Variants in LRRC4C observed in about 807,000 individuals in gnomAD.
LRRC4C encodes the protein leucine rich repeat containing 4C.
In LRRC4C, 5 loss-of-function variants were observed where a neutral mutation model predicts 33.6. That is an observed-to-expected ratio of 0.15 (90% CI 0.08 to 0.31). The LOEUF is 0.31. Among genes scored for constraint, LRRC4C ranks in the 10% least tolerant of loss-of-function variants. LRRC4C has a pLI of 1.00. For missense variants in LRRC4C, 560 were observed against 796.7 expected (o/e 0.70, Z 3.58); for synonymous variants, 329 against 302.0 (o/e 1.09, Z -0.93).
chr11:40,995,739 T>A (rs1234248681), intron 1 of LRRC4C, among the ~76,000 whole-genome samples: 1 of 152,150 alleles, frequency 6.6e-6, no homozygotes, highest in African/African-American at 2.4e-5. Context: ...TAGAATTATA[T>A]TACAACTCAG....
chr11:40,456,382 G>A (rs1952131746), intron 3 of LRRC4C, among the ~76,000 whole-genome samples: 1 of 151,894 alleles, frequency 6.6e-6, no homozygotes, highest in South Asian at 2.1e-4. Context: ...GTGGAGTCTT[G>A]AATCTGATTA....
chr11:41,355,768 C>G (rs1952139552), intron 1 of LRRC4C, among the ~76,000 whole-genome samples: 1 of 152,014 alleles, frequency 6.6e-6, no homozygotes, highest in African/African-American at 2.4e-5. Flanking sequence ...TTGACAATTT[C>G]ATACAATTCA....
chr11:41,107,747 G>A (rs2135674713), intron 1 of LRRC4C, among the ~76,000 whole-genome samples: 1 of 152,174 alleles, frequency 6.6e-6, no homozygotes, highest in South Asian at 2.1e-4. Context: ...AGACCAGCCT[G>A]GCCAACATGG....
At chr11:41,371,843 GAT>G (rs1328001239) in intron 1 of LRRC4C, among the ~76,000 whole-genome samples, 25 of 152,164 alleles carry the variant, frequency 1.6e-4, no homozygotes, top group African/African-American at 6.0e-4. Context: ...CCAAAACAGA[GAT>G]AGAAATTGGG....
intron 2 of LRRC4C, among the ~76,000 whole-genome samples, chr11:40,836,045 C>G (rs1952655156): frequency 6.6e-6 from 1 of 151,968 alleles, no homozygotes; most frequent in Non-Finnish European, 1.5e-5. Context: ...ACTGTACGTT[C>G]AAAAAGAAAA....
intron 2 of LRRC4C, among the ~76,000 whole-genome samples, chr11:40,661,523 A>G (rs796644440): frequency 1.2e-4 from 18 of 152,342 alleles, no homozygotes; most frequent in African/African-American, 4.3e-4. Flanking sequence ...AGTCATACTC[A>G]GTTTAACTCC....
chr11:40,236,657 TC>T (rs1865583663), intron 5 of LRRC4C, among the ~76,000 whole-genome samples: 1 of 152,048 alleles, frequency 6.6e-6, no homozygotes, highest in Admixed American at 6.6e-5. Context: ...GCTCTCTTTT[TC>T]CCTGTAATAG....
Position 40,683,030 on chromosome 11 carries a change from C to T in LRRC4C, c.-406-34752G>A, listed in dbSNP as rs201808475. Among the ~76,000 whole-genome samples, 71 of 152,230 alleles carry T rather than the reference C, an allele frequency of 4.7e-4. 1 individual carries two copies. Among genetic ancestry groups the T allele is most frequent in the East Asian group, 9.7e-4 (5 of 5,174 alleles). ...GCTGGATGCAAAAGAAATAAAGAAA[C>T]GGTTACCAAGAGTAGACTAATATCA... On this transcript the variant is annotated intron_variant, in intron 2 of 6. Coordinates refer to ENST00000528697, the MANE Select transcript of LRRC4C (RefSeq NM_001258419.2).
intron 1 of LRRC4C, among the ~76,000 whole-genome samples, chr11:41,098,947 A>G (rs1021913922): frequency 1.3e-5 from 2 of 152,054 alleles, no homozygotes; most frequent in African/African-American, 4.8e-5. Context: ...GCTAGCTAGA[A>G]TAATAAAGAA....
At chr11:41,198,138 A>G (rs1400447573) in intron 1 of LRRC4C, among the ~76,000 whole-genome samples, 1 of 151,996 alleles carries the variant, frequency 6.6e-6, no homozygotes, top group Non-Finnish European at 1.5e-5. Flanking sequence ...AGAACAAACA[A>G]TTTTTGCTAT....
chr11:40,242,265 C>T (rs1865976993), intron 4 of LRRC4C, among the ~76,000 whole-genome samples: 1 of 152,100 alleles, frequency 6.6e-6, no homozygotes, highest in Non-Finnish European at 1.5e-5. Context: ...CAAATTCAGC[C>T]GTTGAATGAA....
intron 1 of LRRC4C, among the ~76,000 whole-genome samples, chr11:40,964,877 T>C (rs1851231513): frequency 6.6e-6 from 1 of 152,020 alleles, no homozygotes. Flanking sequence ...ATCCTTTGGG[T>C]ATATACCCAG....
intron 3 of LRRC4C, among the ~76,000 whole-genome samples, chr11:40,452,324 A>T (rs2138091027): frequency 6.6e-6 from 1 of 152,348 alleles, no homozygotes; most frequent in African/African-American, 2.4e-5. Flanking sequence ...GAACTCAAAC[A>T]AATTTACAAG....
chr11:40,459,258 C>G (rs1260124655), intron 3 of LRRC4C, among the ~76,000 whole-genome samples: 5 of 152,172 alleles, frequency 3.3e-5, no homozygotes, highest in Non-Finnish European at 1.5e-5. Context: ...GATGAATACA[C>G]TCCAATTACA....
At chr11:41,094,335 C>T (rs1487842768) in intron 1 of LRRC4C, among the ~76,000 whole-genome samples, 1 of 151,870 alleles carries the variant, frequency 6.6e-6, no homozygotes, top group Non-Finnish European at 1.5e-5. Context: ...ACCATCCTGG[C>T]TAACACGGTG....
At chr11:40,643,995 G>GA (rs751027230) in intron 3 of LRRC4C, among the ~76,000 whole-genome samples, 15 of 151,640 alleles carry the variant, frequency 9.9e-5, no homozygotes, top group South Asian at 2.1e-4. Flanking sequence ...AAATGAAATG[G>GA]AAAAAAAACA....
At chr11:40,469,204 T>C (rs1032897840) in intron 3 of LRRC4C, among the ~76,000 whole-genome samples, 1 of 152,104 alleles carries the variant, frequency 6.6e-6, no homozygotes, top group Non-Finnish European at 1.5e-5. Context: ...TAGGACTGGT[T>C]AGACAGTGGG....
At chr11:40,313,930 G>A (rs1945451840) in intron 4 of LRRC4C, among the ~76,000 whole-genome samples, 1 of 151,970 alleles carries the variant, frequency 6.6e-6, no homozygotes, top group African/African-American at 2.4e-5. Flanking sequence ...AAATTCTTTA[G>A]CACATTGGTC....
chr11:40,259,815 C>T (rs1053936698), intron 4 of LRRC4C, among the ~76,000 whole-genome samples: 1 of 144,744 alleles, frequency 6.9e-6, no homozygotes, highest in African/African-American at 2.9e-5. Flanking sequence ...GTTACTGTAG[C>T]CTGGCCATCA....
Sources: allele counts gnomAD v4.1 joint callset (sites outside exome capture counted in the v4.1 genomes callset), GRCh38; gene constraint gnomAD v4.1.1; transcripts MANE v1.5; gene names NCBI Gene and HGNC (gene_info 2026-07-23, HGNC 2026-07-21).